TENM3: variants seen among roughly 807,000 people sequenced by gnomAD.
The protein encoded by TENM3 is teneurin transmembrane protein 3.
A neutral mutation model predicts 255.1 loss-of-function variants in TENM3; 63 were observed. The observed-to-expected ratio is 0.25, with a 90% CI of 0.20 to 0.30. The LOEUF is 0.30. TENM3 is among the 10% of genes least tolerant of loss of function. The pLI is 1.00. For missense variants in TENM3, 2,929 were observed against 3,461.1 expected (o/e 0.85, Z 3.86); for synonymous variants, 1,306 against 1,322.3 (o/e 0.99, Z 0.27).
At chr4:182,360,049 C>T (rs533797865) in intron 3 of TENM3, among the ~76,000 whole-genome samples, 1 of 152,016 alleles carries the variant, frequency 6.6e-6, no homozygotes, top group Non-Finnish European at 1.5e-5. Flanking sequence ...GTTTCTTAAT[C>T]CTGAGTTCTA....
upstream of TENM3, among the ~76,000 whole-genome samples, chr4:182,239,574 T>C (rs1477085212): frequency 3.9e-5 from 6 of 152,318 alleles, no homozygotes; most frequent in South Asian, 1.2e-3. Context: ...AATAAGTGGA[T>C]TCTTCAAGAG....
chr4:182,786,103 C>T (rs901464136), intron 24 of TENM3, among the ~76,000 whole-genome samples: 2 of 152,286 alleles, frequency 1.3e-5, no homozygotes, highest in African/African-American at 4.8e-5. Context: ...GCACGGCATC[C>T]AGTATTTGTC....
At chr4:182,530,095 G>A (rs1739618716) in intron 3 of TENM3, among the ~76,000 whole-genome samples, 2 of 152,190 alleles carry the variant, frequency 1.3e-5, no homozygotes, top group Admixed American at 6.5e-5. Flanking sequence ...AATTGTAGAT[G>A]TGGCCAACAT....
intron 3 of TENM3, among the ~76,000 whole-genome samples, chr4:182,443,618 C>T (rs529031032): frequency 6.6e-6 from 1 of 152,304 alleles, no homozygotes; most frequent in South Asian, 2.1e-4. Context: ...ACCTCACCCC[C>T]TTCCCTCCTA....
intron 4 of TENM3, among the ~76,000 whole-genome samples, chr4:182,614,497 T>TGAA (rs2152436632): frequency 1.3e-5 from 2 of 152,300 alleles, no homozygotes; most frequent in South Asian, 4.1e-4. Flanking sequence ...TATGAGTATG[T>TGAA]TTTATTACTT....
At chr4:182,192,235 G>T (rs1213385917) in intron 1 of TENM3, among the ~76,000 whole-genome samples, 1 of 152,120 alleles carries the variant, frequency 6.6e-6, no homozygotes, top group Non-Finnish European at 1.5e-5. Flanking sequence ...GAGTTTAATA[G>T]TTTCTACCGA....
At chr4:182,147,416 T>G (rs1002006478) in intron 1 of TENM3, among the ~76,000 whole-genome samples, 1 of 152,232 alleles carries the variant, frequency 6.6e-6, no homozygotes, top group Admixed American at 6.5e-5. Context: ...ATTAGTTTAT[T>G]AATATTGGTT....
intron 3 of TENM3, among the ~76,000 whole-genome samples, chr4:182,406,731 A>G (rs1227648848): frequency 6.6e-6 from 1 of 152,188 alleles, no homozygotes; most frequent in Non-Finnish European, 1.5e-5. Context: ...GCTTTCTTTC[A>G]TATCTCGCTA....
At chr4:181,960,466 A>G in the TENM3 span, among the ~76,000 whole-genome samples, 1 of 152,236 alleles carries the variant, frequency 6.6e-6, no homozygotes, top group African/African-American at 2.4e-5. Flanking sequence ...AATCGAAGTC[A>G]AGTCACAAAT....
At chr4:181,660,278 CTGT>C in the TENM3 span, among the ~76,000 whole-genome samples, 1 of 152,078 alleles carries the variant, frequency 6.6e-6, no homozygotes, top group South Asian at 2.1e-4. Flanking sequence ...CCCTTTTTCT[CTGT>C]TGTTCTGTTT....
intron 3 of TENM3, among the ~76,000 whole-genome samples, chr4:182,481,056 G>A (rs182669789): frequency 1.2e-3 from 174 of 150,084 alleles, no homozygotes; most frequent in African/African-American, 3.5e-3. Context: ...TCTATTGCTT[G>A]GGGTTAGAAG....
At chr4:182,597,173 C>T (rs367955761) in intron 3 of TENM3, among the ~76,000 whole-genome samples, 22 of 152,106 alleles carry the variant, frequency 1.4e-4, no homozygotes, top group African/African-American at 2.2e-4. Flanking sequence ...GAGGCCTCCG[C>T]GGGAGGATCG....
intron 3 of TENM3, among the ~76,000 whole-genome samples, chr4:182,387,684 G>C (rs1464440891): frequency 1.3e-5 from 2 of 151,850 alleles, no homozygotes; most frequent in Non-Finnish European, 2.9e-5. Context: ...CTCCAGACGC[G>C]CTGCCTTAAG....
chr4:182,783,039 C>A (rs1306664511), intron 24 of TENM3, among the ~76,000 whole-genome samples: 2 of 149,218 alleles, frequency 1.3e-5, no homozygotes, highest in African/African-American at 2.4e-5. Context: ...TTAATTGGAG[C>A]ATTTAGTCCA....
chr4:181,729,081 G>A, the TENM3 span, among the ~76,000 whole-genome samples: 1 of 152,048 alleles, frequency 6.6e-6, no homozygotes, highest in African/African-American at 2.4e-5. Flanking sequence ...TTTTAATAGA[G>A]GGAAGTGAAG....
intron 3 of TENM3, among the ~76,000 whole-genome samples, chr4:182,463,897 C>G (rs868491730): frequency 2.6e-5 from 4 of 152,200 alleles, no homozygotes; most frequent in Middle Eastern, 3.4e-3. Context: ...GCTGAGATTA[C>G]AGGTGTGAGC....
the TENM3 span, among the ~76,000 whole-genome samples, chr4:182,084,447 C>T: frequency 1.3e-5 from 2 of 152,154 alleles, no homozygotes; most frequent in African/African-American, 2.4e-5. Context: ...TGATTCTTGT[C>T]AAGAAGATGC....
the TENM3 span, among the ~76,000 whole-genome samples, chr4:181,684,021 G>T: frequency 6.6e-6 from 1 of 152,182 alleles, no homozygotes; most frequent in Non-Finnish European, 1.5e-5. Flanking sequence ...ACAAATAGTA[G>T]TTATTATTGT....
intron 6 of TENM3, among the ~76,000 whole-genome samples, chr4:182,662,685 T>G (rs1225610377): frequency 6.6e-6 from 1 of 152,212 alleles, no homozygotes; most frequent in African/African-American, 2.4e-5. Context: ...CAAAGTTTTC[T>G]GGAATTCGGG....
Sources: allele counts gnomAD v4.1 joint callset (sites outside exome capture counted in the v4.1 genomes callset), GRCh38; gene constraint gnomAD v4.1.1; transcripts MANE v1.5; gene names NCBI Gene and HGNC (gene_info 2026-07-23, HGNC 2026-07-21).